The following PHC3 variants were observed in gnomAD, a reference collection of about 807,000 sequenced individuals.
PHC3 encodes polyhomeotic-like protein 3.
PHC3 carries 13 observed loss-of-function variants against 107.4 expected under a neutral mutation model. The observed-to-expected ratio is 0.12, with a 90% CI of 0.08 to 0.19. PHC3 has a LOEUF of 0.19. PHC3 is among the 10% of genes least tolerant of loss of function. The pLI is 1.00. For synonymous variants in PHC3, 456 were observed against 427.4 expected, an observed-to-expected ratio of 1.07 and a Z score of -0.83; for missense variants, 992 against 1,210.9, an observed-to-expected ratio of 0.82 and a Z score of 2.68.
At chr3:170,105,566 A>G (rs1395257481) in intron 12 of PHC3, among the ~76,000 whole-genome samples, 1 of 152,140 alleles carries the variant, frequency 6.6e-6, no homozygotes, top group East Asian at 1.9e-4. Context: ...GGTATGTGTG[A>G]TAATTTAATA....
At chr3:170,165,450 A>T (rs1728566833) in intron 4 of PHC3, among the ~76,000 whole-genome samples, 1 of 152,102 alleles carries the variant, frequency 6.6e-6, no homozygotes, top group Non-Finnish European at 1.5e-5. Context: ...GATAACAAAG[A>T]TATCAGAATT....
chr3:170,123,173 T>C (rs1160166732), intron 8 of PHC3, among the ~76,000 whole-genome samples: 1 of 152,186 alleles, frequency 6.6e-6, no homozygotes, highest in Non-Finnish European at 1.5e-5. Flanking sequence ...TTAGGACATG[T>C]AGGATTCTAT....
chr3:170,156,831 G>A (rs926805034), intron 4 of PHC3, among the ~76,000 whole-genome samples: 3 of 152,008 alleles, frequency 2.0e-5, no homozygotes, highest in Non-Finnish European at 2.9e-5. Context: ...TCCTGACCTC[G>A]TGATCCACGC....
chr3:170,091,059 ACT>A lies in PHC3; in HGVS notation c.*6169_*6170del, dbSNP rs370159752. On this transcript the variant is annotated 3_prime_UTR_variant, in exon 15 of 15. Transcript: ENST00000495893. The stretch of plus-strand genomic sequence containing the variant: ...TTCACTAATGACTAGACACCCCACC[ACT>A]CTCTCATAAACACCAACTTTTTCAC... The A allele has an allele frequency of 5.9e-5, 9 of 152,068 alleles. No homozygotes were observed. The highest frequency in any genetic ancestry group is 2.2e-4 in the African/African-American group (9 of 41,398). 9.4% of individuals were successfully genotyped at this position (152,068 alleles called of 1,614,324 possible).
At chr3:170,179,611 T>C (rs1293885091) in intron 1 of PHC3, among the ~76,000 whole-genome samples, 1 of 152,192 alleles carries the variant, frequency 6.6e-6, no homozygotes, top group Non-Finnish European at 1.5e-5. Flanking sequence ...CCTTACAAAA[T>C]CTTTTTCACA....
intron 4 of PHC3, among the ~76,000 whole-genome samples, chr3:170,154,909 A>G (rs1349081653): frequency 3.3e-5 from 5 of 152,124 alleles, no homozygotes; most frequent in Admixed American, 3.3e-4. Context: ...CTGCTGACCT[A>G]AACCAGATGT....
At chr3:170,172,849 T>G (rs1238683494) in intron 2 of PHC3, 137 bp from the exon 3 acceptor site, 3 of 960,392 alleles carry the variant, frequency 3.1e-6, no homozygotes, top group Non-Finnish European at 4.6e-6. Context: ...TTAACATTAT[T>G]TCTTTCCTAG....
chr3:170,140,221 G>A (rs2108530706), intron 6 of PHC3, among the ~76,000 whole-genome samples: 1 of 147,990 alleles, frequency 6.8e-6, no homozygotes, highest in East Asian at 2.1e-4. Context: ...TAGAATTGAG[G>A]AAAAAAACAG....
At chr3:170,144,937 G>C (rs1273751774) in intron 6 of PHC3, among the ~76,000 whole-genome samples, 5 of 152,198 alleles carry the variant, frequency 3.3e-5, no homozygotes, top group African/African-American at 1.2e-4. Flanking sequence ...TAATGCCTGA[G>C]TTCACACAAT....
At chr3:170,176,974 G>T in intron 2 of PHC3, 1 of 424,684 alleles carries the variant, frequency 2.4e-6, no homozygotes. Flanking sequence ...AGAGTGGAAG[G>T]TCCATGCCCT....
In PHC3 at chr3:170,177,977, A is replaced by T. The variant is rs138740465; in HGVS notation, c.180+796T>A. ...TGAGCCACCACGCCTAGCCAATAGT[A>T]TGATTATTAATTAACTTTGTTGGCT... On this transcript the variant is annotated intron_variant, in intron 2 of 14. Transcript: ENST00000495893. 1.4e-3 allele frequency among the ~76,000 whole-genome samples: 210 copies of T among 151,754 alleles called. 4 individuals are homozygous for T. The East Asian group carries it at 0.039, about 28-fold the overall frequency.
Position 170,102,789 on chromosome 3 carries a change from G to A in PHC3, c.2601+13C>T, listed in dbSNP as rs775557331. ...AAAAGGGTATTTTACATTGAAGCAA[G>A]GTTTATACAGACCTGCCTAAGGATA... On this transcript the variant is annotated intron_variant, in intron 13 of 14. Coordinates refer to ENST00000495893, the MANE Select transcript of PHC3 (RefSeq NM_024947.4). 5.0e-6 allele frequency: 8 copies of A among 1,613,856 alleles called. No individual in the cohort carries two copies. The South Asian group carries it at 8.8e-5, about 18-fold the overall frequency.
chr3:170,102,490 T>A lies in PHC3; in HGVS notation c.2822A>T (p.His941Leu). The change falls in exon 14 of 15, where the codon CAT (histidine) becomes CTT (leucine). Residue 941 changes from histidine to leucine, a missense_variant. Coordinates refer to ENST00000495893, the MANE Select transcript of PHC3 (RefSeq NM_024947.4). ...WTVDDVWAFI[H>L]SLPGCQDIAD... ...GATGAATTACATACCAGGCAAAGAA[T>A]GGATGAAGGCCCAGACATCATCAAC... 4 of 1,613,518 alleles carry A rather than the reference T, an allele frequency of 2.5e-6. No individual in the cohort carries two copies. The highest frequency in any genetic ancestry group is 3.4e-6 in the Non-Finnish European group (4 of 1,179,708).
At chr3:170,168,532 G>A (rs533017622) in intron 4 of PHC3, among the ~76,000 whole-genome samples, 2 of 151,996 alleles carry the variant, frequency 1.3e-5, no homozygotes, top group Admixed American at 6.5e-5. Flanking sequence ...TTGGGAGGCC[G>A]AGGCAGGTGG....
intron 1 of PHC3, among the ~76,000 whole-genome samples, chr3:170,180,866 G>C (rs1338437460): frequency 2.0e-5 from 3 of 152,216 alleles, no homozygotes; most frequent in Admixed American, 6.5e-5. Context: ...AACATCGGTT[G>C]AGCGGAACTG....
At chr3:170,171,982 T>C (rs1052628136) in intron 3 of PHC3, among the ~76,000 whole-genome samples, 1 of 152,174 alleles carries the variant, frequency 6.6e-6, no homozygotes, top group Non-Finnish European at 1.5e-5. Flanking sequence ...AAATCTTTTT[T>C]AAAAACAAGC....
chr3:170,137,000 GTA>G (rs751902703), intron 6 of PHC3, among the ~76,000 whole-genome samples: 2 of 151,564 alleles, frequency 1.3e-5, no homozygotes, highest in Admixed American at 6.6e-5. Context: ...AAAGCAGTAT[GTA>G]TATATATATA....
intron 7 of PHC3, among the ~76,000 whole-genome samples, chr3:170,134,499 T>G (rs1178255484): frequency 1.3e-5 from 2 of 152,090 alleles, no homozygotes; most frequent in Non-Finnish European, 2.9e-5. Flanking sequence ...TTGAATATAT[T>G]TATTAATTTA....
chr3:170,117,496 GT>G lies in PHC3; in HGVS notation c.1943-21del. ...CTTGCTCTGAAAAAAAAACCAAAAA[GT>G]CATTTAAAAATTTTTTTAGCATTTT... On this transcript the variant is annotated intron_variant, in intron 9 of 14. Transcript: ENST00000495893. The G allele has an allele frequency of 1.9e-6, 3 of 1,580,512 alleles. No individual in the cohort carries two copies. The highest frequency in any genetic ancestry group is 2.2e-5 in the East Asian group (1 of 44,568).
Sources: gnomAD v4.1 joint callset for allele counts (sites outside exome capture counted in the v4.1 genomes callset) on GRCh38, gnomAD v4.1.1 for gene constraint, MANE v1.5 for transcripts, NCBI Gene and HGNC (gene_info 2026-07-23, HGNC 2026-07-21) for gene names.